SLC36A1: variants seen among roughly 807,000 people sequenced by gnomAD.
SLC36A1 encodes proton-coupled amino acid transporter 1.
Under a neutral mutation model 47.5 loss-of-function variants are expected in SLC36A1, and 30 were observed. The observed-to-expected ratio is 0.63, with a 90% CI of 0.47 to 0.86. The LOEUF is 0.86. Ranked by LOEUF, SLC36A1 falls within the 40% of genes least tolerant of loss-of-function variation. The probability of loss-of-function intolerance (pLI) is 0.00; values close to 1 mark genes in which losing one functional copy is unlikely to be tolerated. For missense variants in SLC36A1, 517 were observed against 606.0 expected, an observed-to-expected ratio of 0.85 and a Z score of 1.54; for synonymous variants, 255 against 249.7, an observed-to-expected ratio of 1.02 and a Z score of -0.20.
intron 1 of SLC36A1, among the ~76,000 whole-genome samples, chr5:151,455,869 A>G (rs573191500): frequency 1.5e-4 from 23 of 152,330 alleles, no homozygotes; most frequent in Middle Eastern, 3.4e-3. Context: ...CAGAAATAGC[A>G]TGGATTATTG....
At chr5:151,525,661 TA>T in the SLC36A1 span, 1 of 1,280,820 alleles carries the variant, frequency 7.8e-7, no homozygotes, top group African/African-American at 1.5e-5. Context: ...TGATGCATCC[TA>T]AGTGCTTTGT....
At chr5:151,426,006 A>ATCTATC in the SLC36A1 span, among the ~76,000 whole-genome samples, 14 of 69,638 alleles carry the variant, frequency 2.0e-4, no homozygotes, top group South Asian at 5.9e-3. Context: ...ATCTATCTAT[A>ATCTATC]CCTATGTCCA....
At chr5:151,383,484 A>T in the SLC36A1 span, among the ~76,000 whole-genome samples, 5 of 151,682 alleles carry the variant, frequency 3.3e-5, no homozygotes, top group Non-Finnish European at 1.5e-5. Context: ...CACTCCAAAC[A>T]CTACTGATTC....
chr5:151,469,813 A>G (rs114813426), intron 7 of SLC36A1, among the ~76,000 whole-genome samples: 7,024 of 151,184 alleles, frequency 0.046, 159 homozygotes, highest in Non-Finnish European at 0.053. Context: ...ATATAGTATA[A>G]TTATATTAGT....
At chr5:151,434,363 T>A (rs988837240), upstream of SLC36A1, among the ~76,000 whole-genome samples, 2 of 152,016 alleles carry the variant, frequency 1.3e-5, no homozygotes, top group African/African-American at 2.4e-5. Context: ...TTCTAGAAAA[T>A]AGAATTATAA....
downstream of SLC36A1, among the ~76,000 whole-genome samples, chr5:151,495,600 C>G (rs1760315950): frequency 6.6e-6 from 1 of 152,150 alleles, no homozygotes; most frequent in Admixed American, 6.5e-5. Flanking sequence ...ACCACCACCA[C>G]AATCTAGATG....
chr5:151,484,204 G>A (rs994928431), intron 10 of SLC36A1, among the ~76,000 whole-genome samples: 1 of 152,112 alleles, frequency 6.6e-6, no homozygotes, highest in Non-Finnish European at 1.5e-5. Flanking sequence ...AGAGGGTGGG[G>A]AGATGACAGA....
At chr5:151,396,848 G>C in the SLC36A1 span, among the ~76,000 whole-genome samples, 1 of 152,188 alleles carries the variant, frequency 6.6e-6, no homozygotes, top group Admixed American at 6.5e-5. Context: ...GCCTTTGATA[G>C]GTTAAGCAAT....
chr5:151,541,556 G>A, the SLC36A1 span, among the ~76,000 whole-genome samples: 1 of 152,188 alleles, frequency 6.6e-6, no homozygotes, highest in African/African-American at 2.4e-5. Flanking sequence ...CCATGTTCAT[G>A]GGAATGGGGG....
At chr5:151,370,720 C>T in the SLC36A1 span, among the ~76,000 whole-genome samples, 2 of 152,286 alleles carry the variant, frequency 1.3e-5, no homozygotes, top group East Asian at 3.9e-4. Context: ...AGGCTGGGCG[C>T]GGCAGCTCAC....
chr5:151,530,487 T>C, the SLC36A1 span, among the ~76,000 whole-genome samples: 35 of 152,196 alleles, frequency 2.3e-4, no homozygotes, highest in Non-Finnish European at 4.1e-4. Flanking sequence ...ACTCAACTGT[T>C]TCATTAAATA....
At chr5:151,541,620 C>T in the SLC36A1 span, among the ~76,000 whole-genome samples, 1 of 152,338 alleles carries the variant, frequency 6.6e-6, no homozygotes, top group East Asian at 1.9e-4. Flanking sequence ...GAAACTCTCT[C>T]ATGGCCACTG....
chr5:151,403,652 C>T, the SLC36A1 span, among the ~76,000 whole-genome samples: 2 of 152,126 alleles, frequency 1.3e-5, no homozygotes, highest in African/African-American at 4.8e-5. Context: ...TTCTTTATAG[C>T]AATGCAAGAA....
the SLC36A1 span, among the ~76,000 whole-genome samples, chr5:151,361,747 T>C: frequency 5.9e-5 from 9 of 152,394 alleles, no homozygotes; most frequent in African/African-American, 2.2e-4. Context: ...CTGCTTAGTA[T>C]TTCTTATAAG....
chr5:151,473,441 T>G (rs1198685272), intron 7 of SLC36A1, among the ~76,000 whole-genome samples: 1 of 152,180 alleles, frequency 6.6e-6, no homozygotes, highest in Non-Finnish European at 1.5e-5. Flanking sequence ...TTTGAGTTTT[T>G]AATAGTACCT....
downstream of SLC36A1, among the ~76,000 whole-genome samples, chr5:151,493,546 T>C (rs1561798755): frequency 6.6e-6 from 1 of 152,204 alleles, no homozygotes; most frequent in Non-Finnish European, 1.5e-5. Flanking sequence ...CATTTACCAG[T>C]ATAAGTTTTA....
At chr5:151,440,577 TAA>T (rs3086252) in intron 1 of SLC36A1, among the ~76,000 whole-genome samples, 33,727 of 143,868 alleles carry the variant, frequency 0.23, 4,030 homozygotes, top group African/African-American at 0.3. Context: ...GTAGAGTGGT[TAA>T]AAAAAAAAAA....
the SLC36A1 span, chr5:151,528,279 T>G: frequency 6.2e-5 from 54 of 864,734 alleles, no homozygotes; most frequent in East Asian, 7.7e-5. Flanking sequence ...AAGTAATCTC[T>G]TCACTTACAT....
At chr5:151,384,993 TGA>T in the SLC36A1 span, among the ~76,000 whole-genome samples, 54 of 135,716 alleles carry the variant, frequency 4.0e-4, no homozygotes, top group South Asian at 1.1e-3. Context: ...TGTGGGTGTG[TGA>T]GAGAGAGAGA....
Sources: gnomAD v4.1 joint callset for allele counts (sites outside exome capture counted in the v4.1 genomes callset) on GRCh38, gnomAD v4.1.1 for gene constraint, MANE v1.5 for transcripts, NCBI Gene and HGNC (gene_info 2026-07-23, HGNC 2026-07-21) for gene names.